Variants in TGFBRAP1 observed in about 807,000 individuals in gnomAD.
TGFBRAP1 encodes the protein transforming growth factor beta receptor associated protein 1.
A neutral mutation model predicts 83.2 loss-of-function variants in TGFBRAP1; 20 were observed. That is an observed-to-expected ratio of 0.24 (90% CI 0.17 to 0.35). The LOEUF is 0.35. Ranked by LOEUF, TGFBRAP1 falls within the 10% of genes least tolerant of loss-of-function variation. The pLI is 1.00. For synonymous variants in TGFBRAP1, 415 were observed against 459.8 expected, an observed-to-expected ratio of 0.90 and a Z score of 1.25; for missense variants, 950 against 1,099.4, an observed-to-expected ratio of 0.86 and a Z score of 1.92.
intron 4 of TGFBRAP1, among the ~76,000 whole-genome samples, chr2:105,290,776 C>A (rs962848970): frequency 3.3e-5 from 5 of 151,908 alleles, no homozygotes; most frequent in African/African-American, 9.7e-5. Flanking sequence ...AGGCCAGGAT[C>A]GGCAGATCAC....
chr2:105,255,668 A>G, the TGFBRAP1 span, among the ~76,000 whole-genome samples: 1 of 151,344 alleles, frequency 6.6e-6, no homozygotes, highest in Non-Finnish European at 1.5e-5. Context: ...CACCCCAACC[A>G]CCTCCTTTAT....
chr2:105,280,239 T>C, intron 6 of TGFBRAP1, 143 bp downstream of exon 6: 2 of 806,978 alleles, frequency 2.5e-6, no homozygotes, highest in Non-Finnish European at 3.8e-6. Flanking sequence ...GCTGTCACTA[T>C]GATTTCGTGG....
the TGFBRAP1 span, among the ~76,000 whole-genome samples, chr2:105,253,469 C>G: frequency 6.6e-6 from 1 of 151,910 alleles, no homozygotes; most frequent in Non-Finnish European, 1.5e-5. Context: ...TCTCACTCTT[C>G]CTCCCAGGCT....
At chr2:105,327,103 G>A (rs994769463) in intron 1 of TGFBRAP1, 3 of 152,066 alleles carry the variant, frequency 2.0e-5, no homozygotes, top group African/African-American at 7.2e-5. Context: ...TTCTAATGAG[G>A]GCTGGATTCA....
chr2:105,325,878 T>C (rs906199321), intron 1 of TGFBRAP1, among the ~76,000 whole-genome samples: 1 of 152,228 alleles, frequency 6.6e-6, no homozygotes, highest in Non-Finnish European at 1.5e-5. Flanking sequence ...ATTTACTGGC[T>C]TGTACAAAAG....
chr2:105,284,648 A>G (rs1382571390), intron 4 of TGFBRAP1, among the ~76,000 whole-genome samples: 1 of 152,144 alleles, frequency 6.6e-6, no homozygotes, highest in Non-Finnish European at 1.5e-5. Flanking sequence ...CAGGGCTTCA[A>G]CGAGTCCCTG....
intron 4 of TGFBRAP1, among the ~76,000 whole-genome samples, chr2:105,293,028 G>A (rs968639043): frequency 2.0e-5 from 3 of 152,022 alleles, no homozygotes; most frequent in African/African-American, 7.2e-5. Flanking sequence ...ACATTCACTG[G>A]ACGAGTTTGG....
intron 2 of TGFBRAP1, among the ~76,000 whole-genome samples, chr2:105,300,755 A>G (rs1678260961): frequency 6.6e-6 from 1 of 152,134 alleles, no homozygotes; most frequent in African/African-American, 2.4e-5. Flanking sequence ...CTTTATAACT[A>G]AAACAGTTAG....
In TGFBRAP1 at chr2:105,285,957, A is replaced by G. The variant is rs77866978; in HGVS notation, c.1039-1559T>C. Among the ~76,000 whole-genome samples, 1,243 of 152,372 alleles carry G rather than the reference A, an allele frequency of 8.2e-3. 18 individuals carry two copies. The highest frequency in any genetic ancestry group is 0.029 in the African/African-American group (1,198 of 41,590). ...TGGGAATGCCAGTAACATTTCTGAA[A>G]GCAGAAATACTAGAGGCCAGCCACT... On this transcript the variant is annotated intron_variant, in intron 4 of 11. Transcript: ENST00000393359.
intron 4 of TGFBRAP1, among the ~76,000 whole-genome samples, chr2:105,286,003 A>G (rs1370362612): frequency 6.6e-6 from 1 of 152,190 alleles, no homozygotes; most frequent in African/African-American, 2.4e-5. Flanking sequence ...GATGCAAAGG[A>G]CCCATCAGCT....
At chr2:105,296,603 T>G in intron 3 of TGFBRAP1, 93 bp from the exon 4 acceptor site, 1 of 1,399,050 alleles carries the variant, frequency 7.1e-7, no homozygotes, top group Non-Finnish European at 9.6e-7. Flanking sequence ...TTACCTGATT[T>G]GTTCAACAAC....
At chr2:105,290,954 G>A (rs528372486) in intron 4 of TGFBRAP1, among the ~76,000 whole-genome samples, 75 of 152,192 alleles carry the variant, frequency 4.9e-4, no homozygotes, top group African/African-American at 1.7e-3. Context: ...TGCAGTGATT[G>A]CGAGATTGCG....
Position 105,280,402 on chromosome 2 carries a change from G to A in TGFBRAP1, c.1443C>T (p.Ala481=), listed in dbSNP as rs1021589911. The change falls in exon 6 of 12, where the codon GCC becomes GCT. Residue 481 remains alanine (A), a synonymous_variant. Transcript: ENST00000393359. ...ENFCLLTDSA[A]WLEKHKKYFA... ...CTCACTTTTTGTGCTTCTCTAGCCA[G>A]GCAGCACTGTCCGTCAGAAGACAGA... The A allele has an allele frequency of 6.2e-7, 1 of 1,613,812 alleles. No homozygotes were observed. The highest frequency in any genetic ancestry group is 1.3e-5 in the African/African-American group (1 of 74,922).
chr2:105,310,570 G>C (rs1009327543), intron 1 of TGFBRAP1, among the ~76,000 whole-genome samples: 2 of 152,142 alleles, frequency 1.3e-5, no homozygotes, highest in East Asian at 3.8e-4. Flanking sequence ...AAGGAATCAT[G>C]TCCATCTACC....
intron 10 of TGFBRAP1, among the ~76,000 whole-genome samples, chr2:105,272,034 T>TA (rs1677173226): frequency 6.6e-6 from 1 of 152,176 alleles, no homozygotes; most frequent in Non-Finnish European, 1.5e-5. Flanking sequence ...TGATGTGCTT[T>TA]ATGGAGACAA....
Position 105,265,699 on chromosome 2 carries a change from C to T in TGFBRAP1, c.*1684G>A, listed in dbSNP as rs1418721795. 1 of 152,552 alleles carries T rather than the reference C, an allele frequency of 6.6e-6. No homozygotes were observed. The highest frequency in any genetic ancestry group is 2.4e-5 in the African/African-American group (1 of 41,428). 9.4% of individuals were successfully genotyped at this position (152,552 alleles called of 1,614,324 possible). A position where few individuals can be genotyped will look rare whatever the true frequency, so the allele number is the denominator to read the frequency against. ...TGGGCTTTGAGCTCACACCAATTTA[C>T]ACAGCATACAGTTGTGCTACAAGGA... On this transcript the variant is annotated 3_prime_UTR_variant, in exon 12 of 12. Transcript: ENST00000393359.
At chr2:105,321,113 C>T (rs1201433843) in intron 1 of TGFBRAP1, among the ~76,000 whole-genome samples, 1 of 152,132 alleles carries the variant, frequency 6.6e-6, no homozygotes, top group Non-Finnish European at 1.5e-5. Flanking sequence ...TCTTTCTTTG[C>T]ATCTTCCTAC....
chr2:105,311,155 AAAAAAAC>A lies in TGFBRAP1; in HGVS notation c.-17-2844_-17-2838del, dbSNP rs1227773094. Reference sequence around the variant, plus strand: ...AGGGAGAGAGAGCTGTAAAAAAAAAAAAAAAACAAAAAACAAAAAAACATATGGTTTA... The same window carrying A: ...AGGGAGAGAGAGCTGTAAAAAAAAAAAAAAAACAAAAAAACATATGGTTTA... On this transcript the variant is annotated intron_variant, in intron 1 of 11. Coordinates refer to ENST00000393359, the MANE Select transcript of TGFBRAP1 (RefSeq NM_004257.6). Among the ~76,000 whole-genome samples the A allele has an allele frequency of 1.7e-4, 25 of 144,370 alleles. 1 individual carries two copies. Among genetic ancestry groups the A allele is most frequent in the African/African-American group, 4.9e-4 (20 of 40,830 alleles). The allele number at this position is 144,370 out of a possible 152,430, so 94.7% of individuals were successfully genotyped here.
intron 1 of TGFBRAP1, among the ~76,000 whole-genome samples, chr2:105,312,209 C>A (rs1573212790): frequency 6.6e-6 from 1 of 152,030 alleles, no homozygotes; most frequent in Admixed American, 6.6e-5. Flanking sequence ...TACCTATAAT[C>A]CTAACACTTT....
Sources: allele counts gnomAD v4.1 joint callset (sites outside exome capture counted in the v4.1 genomes callset), GRCh38; gene constraint gnomAD v4.1.1; transcripts MANE v1.5; gene names NCBI Gene and HGNC (gene_info 2026-07-23, HGNC 2026-07-21).